STX11: variants seen among roughly 807,000 people sequenced by gnomAD.
STX11 encodes the protein syntaxin 11.
In STX11, 21 loss-of-function variants were observed where a neutral mutation model predicts 19.9. The observed-to-expected ratio is 1.06, with a 90% CI of 0.75 to 1.52. The LOEUF is 1.52. Ranked by LOEUF, STX11 falls within the 40% of genes most tolerant of loss-of-function variation. The pLI is 0.00. For missense variants in STX11, 438 were observed against 405.9 expected (o/e 1.08, Z -0.68); for synonymous variants, 193 against 174.4 (o/e 1.11, Z -0.84).
At position 144,190,032 on chromosome 6, in the gene STX11, T is replaced by C. The variant is rs570800390; in HGVS notation, c.*2541T>C. On this transcript the variant is annotated 3_prime_UTR_variant, in exon 2 of 2. Coordinates refer to ENST00000367568, the MANE Select transcript of STX11 (RefSeq NM_003764.4). ...TGGAACCATTATAAAAGTAAGTGAG[T>C]TTTCAGGCTCTATATACATTTTAAT... Among the ~76,000 whole-genome samples, 1 of 152,186 alleles carries C rather than the reference T, an allele frequency of 6.6e-6. No individual in the cohort carries two copies. The highest frequency in any genetic ancestry group is 2.1e-4 in the South Asian group (1 of 4,824).
At position 144,183,922 on chromosome 6, in the gene STX11, C is replaced by T. The variant is rs952713352; in HGVS notation, c.-5-2701C>T. Among the ~76,000 whole-genome samples the T allele has an allele frequency of 2.6e-5, 4 of 152,148 alleles. No individual in the cohort carries two copies. The highest frequency in any genetic ancestry group is 9.7e-5 in the African/African-American group (4 of 41,424). ...GACAGGCCCCACTGTGCATTATTCC[C>T]CTCCCTGTGTCCAGGTGTTCTCATT... On this transcript the variant is annotated intron_variant, in intron 1 of 1. Transcript: ENST00000367568. This position sits in a 1 kb window ranked among gnomAD's most constrained non-coding sequence, Gnocchi z 4.6.
Position 144,175,862 on chromosome 6 carries a change from T to C in STX11, c.-5-10761T>C, listed in dbSNP as rs978701796. Among the ~76,000 whole-genome samples, 18 of 152,192 alleles carry C rather than the reference T, an allele frequency of 1.2e-4. No homozygotes were observed. The highest frequency in any genetic ancestry group is 4.3e-4 in the African/African-American group (18 of 41,444). ...GTCAGAGGCCAAAGGGTCTCGTTAG[T>C]GACCGATAAAGACAAGGTTGGAAGA... On this transcript the variant is annotated intron_variant, in intron 1 of 1. Transcript: ENST00000367568. The surrounding 1 kb of genome is among the most constrained non-coding windows in gnomAD (Gnocchi z 5.1).
chr6:144,143,188 T>C, the STX11 span, among the ~76,000 whole-genome samples: 768 of 152,314 alleles, frequency 5.0e-3, 8 homozygotes, highest in African/African-American at 0.017. Context: ...ACAATTTATA[T>C]GGCATACAGT....
At position 144,174,489 on chromosome 6, in the gene STX11, C is replaced by T. The variant is rs1801725039; in HGVS notation, c.-5-12134C>T. Among the ~76,000 whole-genome samples, 1 of 152,254 alleles carries T rather than the reference C, an allele frequency of 6.6e-6. No homozygotes were observed. The highest frequency in any genetic ancestry group is 2.4e-5 in the African/African-American group (1 of 41,566). On this transcript the variant is annotated intron_variant, in intron 1 of 1. Transcript: ENST00000367568. This position sits in a 1 kb window ranked among gnomAD's most constrained non-coding sequence, Gnocchi z 5.3. ...GGTTCAAGCGATCTTCCAGCCTTAGCCTCCCGAGTAGCTGGGACTGCAGGT... is the reference window on the plus strand; with the variant it reads ...GGTTCAAGCGATCTTCCAGCCTTAGTCTCCCGAGTAGCTGGGACTGCAGGT...
the STX11 span, among the ~76,000 whole-genome samples, chr6:144,142,288 G>A: frequency 2.6e-5 from 4 of 151,872 alleles, no homozygotes; most frequent in African/African-American, 9.7e-5. Flanking sequence ...ATTTTTTAAT[G>A]ATCTCATGTT....
At position 144,155,277 on chromosome 6, in the gene STX11, T is replaced by TA. The variant is rs1801107038; in HGVS notation, c.-6+4578dup. On this transcript the variant is annotated intron_variant, in intron 1 of 1. Transcript: ENST00000367568. This position sits in a 1 kb window ranked among gnomAD's most constrained non-coding sequence, Gnocchi z 4.5. ...TCAGCAAACTCACTTATTGAAGCTT[T>TA]AAAATGTTCAAATGTCCACTTTGGG... 6.6e-6 allele frequency among the ~76,000 whole-genome samples: 1 copy of TA among 152,188 alleles called. No individual in the cohort carries two copies. Among genetic ancestry groups the TA allele is most frequent in the Non-Finnish European group, 1.5e-5 (1 of 68,040 alleles).
rs886563628 is a variant in STX11 at position 144,169,700 on chromosome 6, C to T, written c.-5-16923C>T. ...TCCTTCCTTCCTTCTTTCTTTCCTT[C>T]CTACCTATGAGGTCTTGCTCTGTCA... is the stretch of plus-strand genomic sequence containing the variant. On this transcript the variant is annotated intron_variant, in intron 1 of 1. Transcript: ENST00000367568. This position sits in a 1 kb window ranked among gnomAD's most constrained non-coding sequence, Gnocchi z 5.2. 1.4e-5 allele frequency among the ~76,000 whole-genome samples: 2 copies of T among 139,454 alleles called. No homozygotes were observed. The highest frequency in any genetic ancestry group is 7.2e-5 in the Admixed American group (1 of 13,830). The allele number at this position is 139,454 out of a possible 152,430, so 91.5% of individuals were successfully genotyped here.
rs2128752710 is a variant in STX11, at chr6:144,175,102, T to G, written c.-5-11521T>G. Among the ~76,000 whole-genome samples the G allele has an allele frequency of 6.6e-6, 1 of 152,224 alleles. No individual in the cohort carries two copies. The highest frequency in any genetic ancestry group is 1.9e-4 in the East Asian group (1 of 5,176). ...TGTCTCTACTAACAATGCCAGACAT[T>G]AGCTGAGCATGGTGACACATGCCTG... is the stretch of plus-strand genomic sequence containing the variant. On this transcript the variant is annotated intron_variant, in intron 1 of 1. Coordinates refer to ENST00000367568, the MANE Select transcript of STX11 (RefSeq NM_003764.4). This position sits in a 1 kb window ranked among gnomAD's most constrained non-coding sequence, Gnocchi z 5.1.
Position 144,170,523 on chromosome 6 carries a change from A to G in STX11, c.-5-16100A>G, listed in dbSNP as rs1223866894. Among the ~76,000 whole-genome samples, 2 of 152,332 alleles carry G rather than the reference A, an allele frequency of 1.3e-5. No individual in the cohort carries two copies. The highest frequency in any genetic ancestry group is 6.5e-5 in the Admixed American group (1 of 15,306). ...GTGTGGAATAGTCCCCTTGTGGCCA[A>G]TGCTCAAAAAGTTTTAGATTTTGGA... On this transcript the variant is annotated intron_variant, in intron 1 of 1. Coordinates refer to ENST00000367568, the MANE Select transcript of STX11 (RefSeq NM_003764.4). The surrounding 1 kb of genome is among the most constrained non-coding windows in gnomAD (Gnocchi z 4.7).
In STX11 at chr6:144,183,121, G is replaced by C. The variant is rs535438271; in HGVS notation, c.-5-3502G>C. 4.6e-5 allele frequency among the ~76,000 whole-genome samples: 7 copies of C among 152,220 alleles called. No individual in the cohort carries two copies. Among genetic ancestry groups the C allele is most frequent in the Non-Finnish European group, 1.0e-4 (7 of 68,006 alleles). ...GTGTGTGGACATTATAAAAATTTTG[G>C]AAAATACAGAAAAGCAAAAGGAAGC... On this transcript the variant is annotated intron_variant, in intron 1 of 1. Transcript: ENST00000367568. This position sits in a 1 kb window ranked among gnomAD's most constrained non-coding sequence, Gnocchi z 4.6.
chr6:144,181,353 G>A (rs536879585), intron 1 of STX11, among the ~76,000 whole-genome samples: 3 of 152,172 alleles, frequency 2.0e-5, no homozygotes, highest in African/African-American at 7.2e-5. Flanking sequence ...CCAGAACTTT[G>A]GGAGGCTGAG....
At chr6:144,168,724 G>C (rs1325044118) in intron 1 of STX11, among the ~76,000 whole-genome samples, 1 of 152,172 alleles carries the variant, frequency 6.6e-6, no homozygotes, top group African/African-American at 2.4e-5. Context: ...ATTGGCAACA[G>C]CATATATGGC....
In STX11 at chr6:144,172,207, G is replaced by T. The variant is rs930339903; in HGVS notation, c.-5-14416G>T. Among the ~76,000 whole-genome samples the T allele has an allele frequency of 2.0e-5, 3 of 152,162 alleles. No homozygotes were observed. The highest frequency in any genetic ancestry group is 4.4e-5 in the Non-Finnish European group (3 of 68,034). Reference sequence around the variant, plus strand: ...ATTTTCTATTTCTCATGGGTGCAAGGATTAAATGAGATAATCCATGTAAAC... The same window carrying T: ...ATTTTCTATTTCTCATGGGTGCAAGTATTAAATGAGATAATCCATGTAAAC... On this transcript the variant is annotated intron_variant, in intron 1 of 1. Transcript: ENST00000367568. The surrounding 1 kb of genome is among the most constrained non-coding windows in gnomAD (Gnocchi z 4.2).
chr6:144,145,808 G>C (rs1562650959), upstream of STX11, among the ~76,000 whole-genome samples: 2 of 152,188 alleles, frequency 1.3e-5, no homozygotes, highest in Non-Finnish European at 2.9e-5. Flanking sequence ...AGAGGGAGGA[G>C]AGACCAGGGA....
At position 144,154,787 on chromosome 6, in the gene STX11, GTGAGTCTGGTCC is replaced by G. The variant is rs376885573; in HGVS notation, c.-6+4087_-6+4098del. Among the ~76,000 whole-genome samples, 357 of 152,290 alleles carry G rather than the reference GTGAGTCTGGTCC, an allele frequency of 2.3e-3. No individual in the cohort carries two copies. Among genetic ancestry groups the G allele is most frequent in the African/African-American group, 8.4e-3 (347 of 41,556 alleles). On this transcript the variant is annotated intron_variant, in intron 1 of 1. Transcript: ENST00000367568. The surrounding 1 kb of genome is among the most constrained non-coding windows in gnomAD (Gnocchi z 4.7). ...CCTCTAACTTCCAGAATTTTATTAA[GTGAGTCTGGTCC>G]TGCTGTGTCTCCTGTCCTCTTGATT...
rs944543265 is a variant in STX11 at position 144,165,824 on chromosome 6, G to A, written c.-6+15121G>A. Among the ~76,000 whole-genome samples, 1 of 152,166 alleles carries A rather than the reference G, an allele frequency of 6.6e-6. No homozygotes were observed. Among genetic ancestry groups the A allele is most frequent in the South Asian group, 2.1e-4 (1 of 4,830 alleles). ...TTTAAAGTTAACAAAGTGCTCTCAT[G>A]TACATAACTTACGTAACTTAACAAT... On this transcript the variant is annotated intron_variant, in intron 1 of 1. Coordinates refer to ENST00000367568, the MANE Select transcript of STX11 (RefSeq NM_003764.4). The surrounding 1 kb of genome is among the most constrained non-coding windows in gnomAD (Gnocchi z 5.8).
chr6:144,171,985 T>G (rs1801652147), intron 1 of STX11, among the ~76,000 whole-genome samples: 1 of 152,222 alleles, frequency 6.6e-6, no homozygotes, highest in African/African-American at 2.4e-5. Flanking sequence ...TGCTTATGTT[T>G]GTGTTTTAAA....
At position 144,159,586 on chromosome 6, in the gene STX11, T is replaced by C. The variant is rs761848234; in HGVS notation, c.-6+8883T>C. Among the ~76,000 whole-genome samples, 8 of 152,110 alleles carry C rather than the reference T, an allele frequency of 5.3e-5. No individual in the cohort carries two copies. The highest frequency in any genetic ancestry group is 1.0e-4 in the Non-Finnish European group (7 of 68,006). On this transcript the variant is annotated intron_variant, in intron 1 of 1. Transcript: ENST00000367568. This position sits in a 1 kb window ranked among gnomAD's most constrained non-coding sequence, Gnocchi z 4.3. ...AGTACAGGAAAATGACGCCTTCATT[T>C]AATGAGGTAAAATAGGTAACAAGGA...
chr6:144,173,630 C>T (rs571846098), intron 1 of STX11, among the ~76,000 whole-genome samples: 1 of 152,320 alleles, frequency 6.6e-6, no homozygotes, highest in South Asian at 2.1e-4. Context: ...ACACTCAAAA[C>T]ACTTTCAACA....
Sources: gnomAD v4.1 joint callset for allele counts (sites outside exome capture counted in the v4.1 genomes callset) on GRCh38, gnomAD v4.1.1 for gene constraint, Gnocchi (gnomAD v3.1) non-coding constraint, MANE v1.5 for transcripts, NCBI Gene and HGNC (gene_info 2026-07-23, HGNC 2026-07-21) for gene names.